The following PTK7 variants were observed in gnomAD, a reference collection of about 807,000 sequenced individuals.
PTK7 encodes the protein protein tyrosine kinase 7 (inactive).
Under a neutral mutation model 116.6 loss-of-function variants are expected in PTK7, and 39 were observed. The observed-to-expected ratio is 0.33, with a 90% CI of 0.26 to 0.44. The LOEUF (loss-of-function observed/expected upper bound fraction) is 0.44. Among genes scored for constraint, PTK7 ranks in the 20% least tolerant of loss-of-function variants. The pLI, the probability that PTK7 is intolerant of heterozygous loss-of-function variation, is 1.00. For missense variants in PTK7, 1,169 were observed against 1,425.6 expected, an observed-to-expected ratio of 0.82 and a Z score of 2.90; for synonymous variants, 546 against 563.6, an observed-to-expected ratio of 0.97 and a Z score of 0.44.
At position 43,076,845 on chromosome 6, in the gene PTK7, G is replaced by T. The variant is rs1766045779; in HGVS notation, c.79+278G>T. On this transcript the variant is annotated intron_variant, in intron 1 of 19. Transcript: ENST00000230419. This position sits in a 1 kb window ranked among gnomAD's most constrained non-coding sequence, Gnocchi z 5.7. ...TTTTTCTGGTCTGAGCCGAGAGTTT[G>T]CTCGAGAACTGCCGAGAGTTGCTGG... The T allele has an allele frequency of 6.9e-7, 1 of 1,450,460 alleles. No individual in the cohort carries two copies. Among genetic ancestry groups the T allele is most frequent in the East Asian group, 2.7e-5 (1 of 37,342 alleles). 89.8% of individuals were successfully genotyped at this position (1,450,460 alleles called of 1,614,324 possible). A position where few individuals can be genotyped will look rare whatever the true frequency, so the allele number is the denominator to read the frequency against.
chr6:43,091,275 C>G (rs1257158776), intron 1 of PTK7, among the ~76,000 whole-genome samples: 4 of 151,612 alleles, frequency 2.6e-5, no homozygotes, highest in Non-Finnish European at 5.9e-5. Flanking sequence ...ACCCTCCTGG[C>G]TCAGCCTCCC....
chr6:43,107,165 C>G (rs1022314608), intron 1 of PTK7, among the ~76,000 whole-genome samples: 1 of 152,088 alleles, frequency 6.6e-6, no homozygotes, highest in Non-Finnish European at 1.5e-5. Flanking sequence ...TCAAGGTGAT[C>G]TGCCATCCTC....
chr6:43,144,931 C>G, intron 15 of PTK7: 1 of 418,204 alleles, frequency 2.4e-6, no homozygotes, highest in Non-Finnish European at 4.2e-6. Context: ...ACGTTTTTTC[C>G]TAGCATACGT....
At chr6:43,132,393 G>T in intron 6 of PTK7, 28 bp from the exon 7 acceptor site, 1 of 1,542,700 alleles carries the variant, frequency 6.5e-7, no homozygotes, top group Non-Finnish European at 8.8e-7. Flanking sequence ...CAATAATTGG[G>T]CCATTCCTCC....
At chr6:43,116,651 T>TGTGCGCGCGCGCGCGCGCGC (rs1323606377) in intron 1 of PTK7, among the ~76,000 whole-genome samples, 3 of 77,214 alleles carry the variant, frequency 3.9e-5, no homozygotes, top group African/African-American at 1.9e-4. Context: ...TGTGTGTGTG[T>TGTGCGCGCGCGCGCGCGCGC]GCGCGCGCAC....
chr6:43,097,065 A>G (rs1282298397), intron 1 of PTK7, among the ~76,000 whole-genome samples: 1 of 140,036 alleles, frequency 7.1e-6, no homozygotes, highest in Admixed American at 7.0e-5. Context: ...AGCAGCCCCC[A>G]GAGCTTGGCC....
At chr6:43,125,004 C>A (rs983804287) in intron 1 of PTK7, among the ~76,000 whole-genome samples, 1 of 152,102 alleles carries the variant, frequency 6.6e-6, no homozygotes, top group Non-Finnish European at 1.5e-5. Context: ...GAAACTCAGT[C>A]TCTACTAAAA....
At chr6:43,134,564 G>A (rs577162414) in intron 7 of PTK7, among the ~76,000 whole-genome samples, 1 of 151,756 alleles carries the variant, frequency 6.6e-6, no homozygotes, top group Non-Finnish European at 1.5e-5. Context: ...GGTGGATCAC[G>A]AGGTCAGGAG....
intron 17 of PTK7, among the ~76,000 whole-genome samples, chr6:43,147,781 A>T (rs1055178239): frequency 2.0e-5 from 3 of 152,162 alleles, no homozygotes; most frequent in Non-Finnish European, 4.4e-5. Flanking sequence ...TGGCCACCTG[A>T]CACCACACCC....
rs377486112 is a variant in PTK7, at chr6:43,139,363, G to A, written c.1499-43G>A. The A allele has an allele frequency of 1.1e-4, 182 of 1,613,992 alleles. No individual in the cohort carries two copies. Among genetic ancestry groups the A allele is most frequent in the African/African-American group, 4.5e-4 (34 of 75,066 alleles). ...CAGGCCTGGCCACGGCCTCTCCAGC[G>A]GCCCCAATTCCTCGTCTTTCTACCC... On this transcript the variant is annotated intron_variant, in intron 9 of 19. Coordinates refer to ENST00000230419, the MANE Select transcript of PTK7 (RefSeq NM_002821.5). This position sits in a 1 kb window ranked among gnomAD's most constrained non-coding sequence, Gnocchi z 4.6.
At chr6:43,101,563 TAA>T (rs756022604) in intron 1 of PTK7, among the ~76,000 whole-genome samples, 4 of 133,642 alleles carry the variant, frequency 3.0e-5, no homozygotes, top group Admixed American at 1.5e-4. Flanking sequence ...AAAAAAAAAA[TAA>T]AAAAAAAAAG....
intron 1 of PTK7, among the ~76,000 whole-genome samples, chr6:43,118,023 G>A (rs1768662638): frequency 6.6e-6 from 1 of 151,598 alleles, no homozygotes; most frequent in Non-Finnish European, 1.5e-5. Flanking sequence ...GAAAAAGGCA[G>A]TGTGTCTGTG....
intron 1 of PTK7, among the ~76,000 whole-genome samples, chr6:43,077,602 C>G (rs939717066): frequency 1.1e-4 from 16 of 152,110 alleles, no homozygotes; most frequent in African/African-American, 3.9e-4. Context: ...CCAAATAGCC[C>G]GGACTGGAAA....
intron 19 of PTK7, 61 bp from the exon 20 acceptor site, chr6:43,160,660 A>C: frequency 6.3e-7 from 1 of 1,590,090 alleles, no homozygotes; most frequent in South Asian, 1.1e-5. Flanking sequence ...CAAGGTCCAC[A>C]AAGTGTTGAA....
intron 1 of PTK7, among the ~76,000 whole-genome samples, chr6:43,118,248 A>G (rs527357832): frequency 1.3e-5 from 2 of 152,072 alleles, no homozygotes; most frequent in Non-Finnish European, 2.9e-5. Flanking sequence ...CATTTAAATT[A>G]AATTTAGGCC....
chr6:43,081,562 A>ACG (rs1766381853), intron 1 of PTK7, among the ~76,000 whole-genome samples: 1 of 151,950 alleles, frequency 6.6e-6, no homozygotes, highest in South Asian at 2.1e-4. Context: ...GTGCCACTGC[A>ACG]CCCAGCTAAT....
intron 17 of PTK7, among the ~76,000 whole-genome samples, chr6:43,147,246 C>T (rs1055157624): frequency 4.6e-5 from 7 of 152,222 alleles, no homozygotes; most frequent in African/African-American, 1.7e-4. Context: ...CTGCCTTTTG[C>T]GCAGAGGTTG....
In PTK7 at chr6:43,159,803, C is replaced by A. The variant is rs1365275323; in HGVS notation, c.2889C>A (p.Phe963Leu). ...KDVYNSEYYH[F>L]RQAWVPLRWM... ...TCTCCTGCAGTGAGTACTACCACTT[C>A]CGCCAGGCCTGGGTGCCGCTGCGCT... The change falls in exon 19 of 20, where the codon TTC becomes TTA. Residue 963 changes from phenylalanine (F) to leucine (L), a missense_variant. Coordinates refer to ENST00000230419, the MANE Select transcript of PTK7 (RefSeq NM_002821.5). 1.2e-6 allele frequency: 2 copies of A among 1,614,218 alleles called. No individual in the cohort carries two copies. The highest frequency in any genetic ancestry group is 2.2e-5 in the South Asian group (2 of 91,090).
chr6:43,134,782 GA>G (rs756747841), intron 7 of PTK7, among the ~76,000 whole-genome samples: 1,545 of 128,394 alleles, frequency 0.012, 10 homozygotes, highest in African/African-American at 0.028. Flanking sequence ...TTTGTCTCAG[GA>G]AAAAAAAAAA....
Sources: allele counts gnomAD v4.1 joint callset (sites outside exome capture counted in the v4.1 genomes callset), GRCh38; gene constraint gnomAD v4.1.1; non-coding constraint Gnocchi (gnomAD v3.1); transcripts MANE v1.5; gene names NCBI Gene and HGNC (gene_info 2026-07-23, HGNC 2026-07-21).